CDH17: variants seen among roughly 807,000 people sequenced by gnomAD.
CDH17 encodes the protein cadherin-17.
CDH17 carries 67 observed loss-of-function variants against 86.3 expected under a neutral mutation model. That is an observed-to-expected ratio of 0.78 (90% CI 0.64 to 0.95). The LOEUF (loss-of-function observed/expected upper bound fraction) is 0.95, where lower values mean the gene tolerates loss of function less well. Among genes scored for constraint, CDH17 ranks in the 40% least tolerant of loss-of-function variants. The pLI is 0.00. For synonymous variants in CDH17, 367 were observed against 366.4 expected, an observed-to-expected ratio of 1.00 and a Z score of -0.02; for missense variants, 993 against 1,017.6, an observed-to-expected ratio of 0.98 and a Z score of 0.33.
chr8:94,161,166 G>C (rs1813043938), intron 11 of CDH17, among the ~76,000 whole-genome samples: 1 of 152,160 alleles, frequency 6.6e-6, no homozygotes, highest in Non-Finnish European at 1.5e-5. Context: ...CTCGATAAAA[G>C]GCGAGGAGGT....
intron 5 of CDH17, 59 bp downstream of exon 5, chr8:94,176,482 C>T: frequency 1.3e-6 from 2 of 1,582,768 alleles, no homozygotes; most frequent in Non-Finnish European, 1.7e-6. Flanking sequence ...CACAAGTCTG[C>T]CCCTTCCACC....
intron 15 of CDH17, among the ~76,000 whole-genome samples, chr8:94,141,766 A>AC (rs1812642883): frequency 2.0e-5 from 3 of 152,210 alleles, no homozygotes; most frequent in Non-Finnish European, 4.4e-5. Context: ...ATGTTCATGA[A>AC]TTGGAAGACT....
At chr8:94,177,796 T>C in intron 3 of CDH17, 75 bp from the exon 4 acceptor site, 1 of 1,462,260 alleles carries the variant, frequency 6.8e-7, no homozygotes, top group Admixed American at 2.0e-5. Context: ...AAGTCACCAA[T>C]TTCAGGTAAA....
upstream of CDH17, among the ~76,000 whole-genome samples, chr8:94,211,659 T>A (rs575517586): frequency 1.3e-5 from 2 of 152,222 alleles, no homozygotes; most frequent in Non-Finnish European, 2.9e-5. Context: ...AGTGGTAAAT[T>A]TCTCAATTTT....
intron 2 of CDH17, among the ~76,000 whole-genome samples, chr8:94,193,896 G>A (rs975435142): frequency 1.2e-4 from 18 of 151,142 alleles, no homozygotes; most frequent in Non-Finnish European, 5.9e-5. Flanking sequence ...CCAGAAGAAA[G>A]GAAGTAAGAT....
chr8:94,181,053 A>G (rs1813476467), intron 3 of CDH17, among the ~76,000 whole-genome samples: 1 of 152,164 alleles, frequency 6.6e-6, no homozygotes, highest in African/African-American at 2.4e-5. Context: ...CTATACTACT[A>G]TCAGACAAAA....
chr8:94,168,148 A>C (rs1813200620), intron 9 of CDH17, among the ~76,000 whole-genome samples: 1 of 67,520 alleles, frequency 1.5e-5, no homozygotes, highest in Non-Finnish European at 3.1e-5. Context: ...ATATATATAT[A>C]TATATATATT....
chr8:94,171,214 C>A (rs1454811760), intron 7 of CDH17, among the ~76,000 whole-genome samples: 5 of 152,104 alleles, frequency 3.3e-5, no homozygotes, highest in South Asian at 4.2e-4. Context: ...TTCTCTAAAG[C>A]AATTCTTCAC....
intron 12 of CDH17, among the ~76,000 whole-genome samples, chr8:94,153,677 CATAT>C (rs934044532): frequency 6.6e-6 from 1 of 152,032 alleles, no homozygotes; most frequent in African/African-American, 2.4e-5. Flanking sequence ...CACGCACACA[CATAT>C]ATATATACAC....
At chr8:94,199,293 C>T (rs1015140642) in intron 1 of CDH17, among the ~76,000 whole-genome samples, 1 of 151,602 alleles carries the variant, frequency 6.6e-6, no homozygotes, top group African/African-American at 2.4e-5. Context: ...TAAGAGCTTT[C>T]AATAAACATG....
At chr8:94,163,082 T>A (rs548865916) in intron 10 of CDH17, among the ~76,000 whole-genome samples, 5 of 152,348 alleles carry the variant, frequency 3.3e-5, no homozygotes, top group African/African-American at 1.2e-4. Flanking sequence ...CATAATACAG[T>A]TGTTAGCGGC....
intron 3 of CDH17, 28 bp downstream of exon 3, chr8:94,189,159 G>A: frequency 2.0e-6 from 3 of 1,485,658 alleles, no homozygotes; most frequent in Non-Finnish European, 2.8e-6. Context: ...ACAAAATCAA[G>A]AGGACAGTGA....
At position 94,131,012 on chromosome 8, in the gene CDH17, A is replaced by C; in HGVS notation, c.2168-20T>G. The stretch of plus-strand genomic sequence containing the variant: ...GAGTACCTGCCAGGACAGGAAAAAA[A>C]AATGAAAATACAACTTCAGACCCTG... On this transcript the variant is annotated intron_variant, in intron 15 of 17. Coordinates refer to ENST00000027335, the MANE Select transcript of CDH17 (RefSeq NM_004063.4). 8 of 1,271,814 alleles carry C rather than the reference A, an allele frequency of 6.3e-6. No homozygotes were observed. The Middle Eastern group carries it at 1.5e-3, about 235-fold the overall frequency. 78.8% of individuals were successfully genotyped at this position (1,271,814 alleles called of 1,614,324 possible).
chr8:94,175,942 G>T (rs2130644415), intron 5 of CDH17, among the ~76,000 whole-genome samples: 1 of 152,244 alleles, frequency 6.6e-6, no homozygotes, highest in African/African-American at 2.4e-5. Flanking sequence ...CAGACCGAGT[G>T]CAATAGTGTG....
At chr8:94,200,176 A>G (rs1429980776) in intron 1 of CDH17, among the ~76,000 whole-genome samples, 1 of 152,172 alleles carries the variant, frequency 6.6e-6, no homozygotes, top group Non-Finnish European at 1.5e-5. Context: ...AACAGGTCCC[A>G]CCTACACTTC....
At chr8:94,142,213 C>G (rs1158143359) in intron 15 of CDH17, among the ~76,000 whole-genome samples, 1 of 152,170 alleles carries the variant, frequency 6.6e-6, no homozygotes, top group Non-Finnish European at 1.5e-5. Flanking sequence ...GGGTTTGGTT[C>G]CAGACCACTG....
rs542128241 is a variant in CDH17, at chr8:94,184,692, A to C, written c.150+4495T>G. Among the ~76,000 whole-genome samples, 190 of 152,130 alleles carry C rather than the reference A, an allele frequency of 1.2e-3. 1 individual carries two copies. Among genetic ancestry groups the C allele is most frequent in the Non-Finnish European group, 2.3e-3 (156 of 68,000 alleles). On this transcript the variant is annotated intron_variant, in intron 3 of 17. Transcript: ENST00000027335. ...TCTTTTTAGATACTAAAAACTACTG[A>C]ATTTTAGAGGCATGAATTTTTAGGG...
chr8:94,176,532 G>A lies in CDH17; in HGVS notation c.424+9C>T. On this transcript the variant is annotated intron_variant, in intron 5 of 17. Transcript: ENST00000027335. ...CTTTCCATAAATATCTCTGGCCCCT[G>A]CCTGTTACCTGGGCGAGAGTTCTGC... 2 of 1,613,346 alleles carry A rather than the reference G, an allele frequency of 1.2e-6. No individual in the cohort carries two copies. Among genetic ancestry groups the A allele is most frequent in the Non-Finnish European group, 8.5e-7 (1 of 1,179,546 alleles).
Position 94,130,664 on chromosome 8 carries a change from A to G in CDH17, c.2360T>C (p.Met787Thr). The G allele has an allele frequency of 1.2e-6, 2 of 1,613,802 alleles. No individual in the cohort carries two copies. The highest frequency in any genetic ancestry group is 1.7e-6 in the Non-Finnish European group (2 of 1,179,786). The stretch of plus-strand genomic sequence containing the variant: ...GGTGGTCAGCAGTATACCAACTGCC[A>G]TGCCCACAGTGGGTATCCCAGTCTG... ...GHQTGIPTVGMAVGILLTTLL... is the reference protein window; with the variant it reads ...GHQTGIPTVGTAVGILLTTLL... Residue 787 changes from methionine to threonine, a missense_variant, in exon 17 of 18, where the codon ATG (methionine) becomes ACG (threonine). Physicochemically the swap from Met to Thr is moderately conservative, Grantham distance 81. Transcript: ENST00000027335.
Sources: gnomAD v4.1 joint callset for allele counts (sites outside exome capture counted in the v4.1 genomes callset) on GRCh38, gnomAD v4.1.1 for gene constraint, MANE v1.5 for transcripts, NCBI Gene and HGNC (gene_info 2026-07-23, HGNC 2026-07-21) for gene names.